The following PWP1 variants were observed in gnomAD, a reference collection of about 807,000 sequenced individuals.
PWP1 encodes the protein PWP1 homolog, endonuclein, also known as periodic tryptophan protein 1 homolog.
A neutral mutation model predicts 69.9 loss-of-function variants in PWP1; 47 were observed. That is an observed-to-expected ratio of 0.67 (90% CI 0.53 to 0.86). The LOEUF (loss-of-function observed/expected upper bound fraction) is 0.86, where lower values mean the gene tolerates loss of function less well. Ranked by LOEUF, PWP1 falls within the 40% of genes least tolerant of loss-of-function variation. The pLI, the probability that PWP1 is intolerant of heterozygous loss-of-function variation, is 0.00. For synonymous variants in PWP1, 222 were observed against 208.2 expected (o/e 1.07, Z -0.57); for missense variants, 551 against 608.8 (o/e 0.91, Z 1.00).
chr12:107,692,191 T>A (rs1291017198), intron 3 of PWP1, among the ~76,000 whole-genome samples: 3 of 152,274 alleles, frequency 2.0e-5, no homozygotes, highest in Non-Finnish European at 4.4e-5. Context: ...CTCCTTAAAG[T>A]GGCTTCCTCT....
Position 107,692,857 on chromosome 12 carries a change from CG to C in PWP1, c.366del (p.Ser123ValfsTer10). 1 of 1,613,904 alleles carries C rather than the reference CG, an allele frequency of 6.2e-7. No individual in the cohort carries two copies. The highest frequency in any genetic ancestry group is 8.5e-7 in the Non-Finnish European group (1 of 1,179,874). ...AATCTCTCTTGGGTCTTACGGTCTA[CG>C]GGAGTAATGATCAAGATCCTTACGT... ...GESLLGLTVY[G>X]SNDQDPYVTL... is the part of the protein sequence containing the mutation. On this transcript the variant is annotated frameshift_variant, in exon 4 of 15. Transcript: ENST00000412830. LOFTEE classifies it high-confidence loss of function.
intron 7 of PWP1, 38 bp from the exon 8 acceptor site, chr12:107,699,335 G>A: frequency 6.9e-7 from 1 of 1,444,254 alleles, no homozygotes; most frequent in Non-Finnish European, 9.7e-7. Flanking sequence ...TTATGAGGGG[G>A]ACTTTAATAC....
Position 107,687,454 on chromosome 12 carries a change from G to C in PWP1, c.73-994G>C, listed in dbSNP as rs914741382. On this transcript the variant is annotated intron_variant, in intron 1 of 14. Transcript: ENST00000412830. ...TTTATGTCCCACTCCCAAGTATTGT[G>C]TTGTAATTAGCCTGTAGTGTAGCCT... Among the ~76,000 whole-genome samples the C allele has an allele frequency of 2.0e-5, 3 of 152,206 alleles. No homozygotes were observed. In the East Asian group the frequency reaches 5.8e-4, roughly 29 times the overall value.
chr12:107,698,738 G>T (rs10861766), intron 7 of PWP1, among the ~76,000 whole-genome samples: 94,918 of 151,996 alleles, frequency 0.62, 30,162 homozygotes, highest in East Asian at 0.7. Flanking sequence ...GACTATAGGC[G>T]TATGCTGCCA....
At chr12:107,702,507 G>C (rs1380325347) in intron 8 of PWP1, among the ~76,000 whole-genome samples, 1 of 152,082 alleles carries the variant, frequency 6.6e-6, no homozygotes. Context: ...TTGAACTCCT[G>C]ACCTCAAGTG....
intron 3 of PWP1, 55 bp downstream of exon 3, chr12:107,688,857 T>C: frequency 4.0e-6 from 6 of 1,506,046 alleles, no homozygotes; most frequent in Non-Finnish European, 5.4e-6. Context: ...TGTTGGATCA[T>C]GTTTGTGGTG....
At chr12:107,688,393 A>G (rs1338476122) in intron 1 of PWP1, 55 bp from the exon 2 acceptor site, 2 of 1,504,224 alleles carry the variant, frequency 1.3e-6, no homozygotes, top group African/African-American at 1.4e-5. Flanking sequence ...TTTTAATTCA[A>G]ATAATTTGAT....
intron 4 of PWP1, 36 bp from the exon 5 acceptor site, chr12:107,692,964 G>A (rs1889512068): frequency 6.2e-7 from 1 of 1,613,000 alleles, no homozygotes; most frequent in African/African-American, 1.3e-5. Flanking sequence ...CTGGCTCTCT[G>A]CTTCTAGTCA....
intron 8 of PWP1, among the ~76,000 whole-genome samples, chr12:107,702,418 T>C (rs1385476663): frequency 6.6e-6 from 1 of 152,108 alleles, no homozygotes; most frequent in Non-Finnish European, 1.5e-5. Flanking sequence ...GTAACTGGGA[T>C]TACAGGCATG....
At chr12:107,705,820 GCCA>G (rs1432482076) in intron 11 of PWP1, among the ~76,000 whole-genome samples, 1 of 152,054 alleles carries the variant, frequency 6.6e-6, no homozygotes, top group Non-Finnish European at 1.5e-5. Flanking sequence ...CGTGAATAGT[GCCA>G]CAATATGCAC....
At chr12:107,696,063 C>G (rs1443449320) in intron 5 of PWP1, among the ~76,000 whole-genome samples, 1 of 131,164 alleles carries the variant, frequency 7.6e-6, no homozygotes, top group Non-Finnish European at 1.6e-5. Context: ...GATAGAGTCT[C>G]ACTATGTCGC....
chr12:107,698,131 G>A (rs1289766296), intron 7 of PWP1, among the ~76,000 whole-genome samples: 1 of 152,234 alleles, frequency 6.6e-6, no homozygotes, highest in Non-Finnish European at 1.5e-5. Flanking sequence ...GGAGGCTGAG[G>A]CGGGTGGATC....
Position 107,685,968 on chromosome 12 carries a change from C to G in PWP1, c.69C>G (p.Asp23Glu), listed in dbSNP as rs1480392435. The change falls in exon 1 of 15, where the codon GAC (aspartate) becomes GAG (glutamate). Residue 23 changes from aspartate to glutamate, a missense_variant. Transcript: ENST00000412830. ...GCGGCGTGGCCAAAGAGACACCAGA[C>G]AAGGTGAGGCCTGGTCGCTGGGAGA... is the stretch of plus-strand genomic sequence containing the variant. ...VRCGVAKETP[D>E]KVELSKEEVK... is the part of the protein sequence containing the mutation. 1 of 1,613,784 alleles carries G rather than the reference C, an allele frequency of 6.2e-7. No individual in the cohort carries two copies. Among genetic ancestry groups the G allele is most frequent in the African/African-American group, 1.3e-5 (1 of 74,928 alleles).
chr12:107,700,036 C>T (rs891983651), intron 8 of PWP1, among the ~76,000 whole-genome samples: 1 of 152,082 alleles, frequency 6.6e-6, no homozygotes, highest in Non-Finnish European at 1.5e-5. Flanking sequence ...AGGAACTCTC[C>T]TTTATAAAAC....
rs748492230 is a variant in PWP1, at chr12:107,697,447, T to G, written c.614-20T>G. 14 of 1,562,374 alleles carry G rather than the reference T, an allele frequency of 9.0e-6. No individual in the cohort carries two copies. The highest frequency in any genetic ancestry group is 2.3e-5 in the East Asian group (1 of 44,350). On this transcript the variant is annotated intron_variant, in intron 6 of 14. Transcript: ENST00000412830. ...ATGTCTTTTTTTGTGTAATCATACA[T>G]GCATTGTTTCCTCCCATAGGAAATT...
In PWP1 at chr12:107,693,052, T is replaced by C. The variant is rs1889515500; in HGVS notation, c.458T>C (p.Val153Ala). The part of the protein sequence containing the change: ...FLIKPSDNLI[V>A]CGRAEQDQCN... ...ATTAAGCCCAGTGATAATCTTATAG[T>C]TTGTGGCCGAGCTGAACAGGACCAG... The change falls in exon 5 of 15, where the codon GTT becomes GCT. Residue 153 changes from valine (V) to alanine (A), a missense_variant. By Grantham distance (64) the Val-to-Ala change is moderately conservative. Coordinates refer to ENST00000412830, the MANE Select transcript of PWP1 (RefSeq NM_007062.3). 2 of 1,614,018 alleles carry C rather than the reference T, an allele frequency of 1.2e-6. No homozygotes were observed. Among genetic ancestry groups the C allele is most frequent in the Non-Finnish European group, 1.7e-6 (2 of 1,180,016 alleles).
At chr12:107,702,183 T>C (rs958896549) in intron 8 of PWP1, among the ~76,000 whole-genome samples, 1 of 152,206 alleles carries the variant, frequency 6.6e-6, no homozygotes, top group African/African-American at 2.4e-5. Flanking sequence ...AACTTTGTTC[T>C]TTTTTTCAGT....
chr12:107,697,155 G>A (rs973891710), intron 6 of PWP1, among the ~76,000 whole-genome samples: 4 of 152,036 alleles, frequency 2.6e-5, no homozygotes, highest in African/African-American at 4.8e-5. Flanking sequence ...GAAGGAGGAC[G>A]GGAGGAGGGT....
chr12:107,708,811 T>C (rs1192614251), intron 11 of PWP1, 115 bp from the exon 12 acceptor site: 1 of 949,040 alleles, frequency 1.1e-6, no homozygotes, highest in East Asian at 2.6e-5. Context: ...CATGTTAATT[T>C]TTCATAAGTT....
Sources: allele counts gnomAD v4.1 joint callset (sites outside exome capture counted in the v4.1 genomes callset), GRCh38; gene constraint gnomAD v4.1.1; transcripts MANE v1.5; gene names NCBI Gene and HGNC (gene_info 2026-07-23, HGNC 2026-07-21).